The following SGPP2 variants were observed in gnomAD, a reference collection of about 807,000 sequenced individuals.
The protein encoded by SGPP2 is sphingosine 1-phosphate phosphohydrolase 2.
A neutral mutation model predicts 33.9 loss-of-function variants in SGPP2; 30 were observed. The observed-to-expected ratio is 0.89, with a 90% CI of 0.66 to 1.20. SGPP2 has a LOEUF of 1.20. Among genes scored for constraint, SGPP2 ranks in the 50% most tolerant of loss-of-function variants. The probability of loss-of-function intolerance (pLI) is 0.00; values close to 1 mark genes in which losing one functional copy is unlikely to be tolerated. For synonymous variants in SGPP2, 233 were observed against 225.0 expected (o/e 1.04, Z -0.32); for missense variants, 458 against 532.1 (o/e 0.86, Z 1.37).
intron 2 of SGPP2, among the ~76,000 whole-genome samples, chr2:222,510,125 T>A (rs1249305867): frequency 6.6e-6 from 1 of 152,198 alleles, no homozygotes; most frequent in Admixed American, 6.5e-5. Flanking sequence ...TCGATGGACA[T>A]TTGGGTTGTT....
chr2:222,546,079 A>G (rs542848347), intron 4 of SGPP2, among the ~76,000 whole-genome samples: 1 of 152,338 alleles, frequency 6.6e-6, no homozygotes, highest in South Asian at 2.1e-4. Context: ...GCCTGTGGGA[A>G]TGGTCCTTAA....
chr2:222,459,311 T>G (rs955446117), intron 1 of SGPP2, among the ~76,000 whole-genome samples: 4 of 151,930 alleles, frequency 2.6e-5, no homozygotes, highest in Non-Finnish European at 5.9e-5. Context: ...CACACCTGGC[T>G]AATTTTTATA....
chr2:222,533,979 G>A (rs1698877532), intron 4 of SGPP2, among the ~76,000 whole-genome samples: 1 of 152,094 alleles, frequency 6.6e-6, no homozygotes, highest in Non-Finnish European at 1.5e-5. Flanking sequence ...CTGATTGGCA[G>A]CAAAGGTTAG....
intron 2 of SGPP2, among the ~76,000 whole-genome samples, chr2:222,497,704 G>T (rs1698303328): frequency 6.6e-6 from 1 of 152,194 alleles, no homozygotes; most frequent in Non-Finnish European, 1.5e-5. Flanking sequence ...TACAGATTAA[G>T]CAATGTACAA....
chr2:222,530,800 G>A (rs1698826236), intron 4 of SGPP2, among the ~76,000 whole-genome samples: 3 of 152,188 alleles, frequency 2.0e-5, no homozygotes, highest in Admixed American at 2.0e-4. Flanking sequence ...TGGTACAAGA[G>A]GCTTAGCTTT....
At chr2:222,450,102 G>A (rs1697461270) in intron 1 of SGPP2, among the ~76,000 whole-genome samples, 1 of 152,186 alleles carries the variant, frequency 6.6e-6, no homozygotes, top group Non-Finnish European at 1.5e-5. Context: ...AGAGAAACTA[G>A]AATATGAAAT....
intron 2 of SGPP2, among the ~76,000 whole-genome samples, chr2:222,489,795 A>G (rs1698169810): frequency 6.6e-6 from 1 of 152,002 alleles, no homozygotes; most frequent in Non-Finnish European, 1.5e-5. Flanking sequence ...GAGAAACCCC[A>G]TCTCTACTAA....
At chr2:222,524,891 C>T in intron 3 of SGPP2, 53 bp from the exon 4 acceptor site, 1 of 1,378,488 alleles carries the variant, frequency 7.3e-7, no homozygotes, top group Non-Finnish European at 1.0e-6. Flanking sequence ...GACATCAAAT[C>T]ATGTATGTCT....
chr2:222,458,853 C>T (rs1295347650), intron 1 of SGPP2, among the ~76,000 whole-genome samples: 1 of 152,172 alleles, frequency 6.6e-6, no homozygotes, highest in African/African-American at 2.4e-5. Context: ...TTGCCTCTTC[C>T]TCACTGAGGG....
At chr2:222,453,548 C>T (rs1697525403) in intron 1 of SGPP2, among the ~76,000 whole-genome samples, 1 of 152,066 alleles carries the variant, frequency 6.6e-6, no homozygotes, top group South Asian at 2.1e-4. Flanking sequence ...TCCTTTTCCT[C>T]CTTCTCCTCA....
At chr2:222,532,216 G>T (rs1237156299) in intron 4 of SGPP2, among the ~76,000 whole-genome samples, 2 of 152,128 alleles carry the variant, frequency 1.3e-5, no homozygotes, top group African/African-American at 2.4e-5. Context: ...GGAGTTTGCA[G>T]TGAGCCGAGA....
At chr2:222,513,681 A>G (rs1171524201) in intron 2 of SGPP2, among the ~76,000 whole-genome samples, 2 of 152,210 alleles carry the variant, frequency 1.3e-5, no homozygotes, top group African/African-American at 4.8e-5. Context: ...AAAAAAGCAG[A>G]GGGAGAGATG....
chr2:222,426,285 TGCCGTG>T (rs1410009706), intron 1 of SGPP2, among the ~76,000 whole-genome samples: 1 of 149,792 alleles, frequency 6.7e-6, no homozygotes, highest in Non-Finnish European at 1.5e-5. Context: ...GGCTGAAACG[TGCCGTG>T]ACATATTCGG....
intron 2 of SGPP2, among the ~76,000 whole-genome samples, chr2:222,505,392 T>C (rs1698429919): frequency 6.6e-6 from 1 of 152,232 alleles, no homozygotes; most frequent in Non-Finnish European, 1.5e-5. Context: ...GAATATACAG[T>C]TGATCTTTAA....
chr2:222,541,195 T>G (rs1213457976), intron 4 of SGPP2, among the ~76,000 whole-genome samples: 5 of 152,216 alleles, frequency 3.3e-5, no homozygotes, highest in African/African-American at 1.2e-4. Context: ...GGATGCCCAC[T>G]TTCGTGTTTC....
chr2:222,477,126 TGTGTGTATATAG>T lies in SGPP2; in HGVS notation c.378+2412_378+2423del. 6.7e-6 allele frequency among the ~76,000 whole-genome samples: 1 copy of T among 149,710 alleles called. No homozygotes were observed. Among genetic ancestry groups the T allele is most frequent in the South Asian group, 2.1e-4 (1 of 4,792 alleles). ...ATATAGGTGTGTATATATGTGTATGTGTGTGTATATAGGTGTGTATATATCTGTGTGTGTGTA... is the reference window on the plus strand; with the variant it reads ...ATATAGGTGTGTATATATGTGTATGTGTGTGTATATATCTGTGTGTGTGTA... On this transcript the variant is annotated intron_variant, in intron 2 of 4. Coordinates refer to ENST00000321276, the MANE Select transcript of SGPP2 (RefSeq NM_152386.4). This position sits in a 1 kb window ranked among gnomAD's most constrained non-coding sequence, Gnocchi z 6.0.
chr2:222,495,186 G>A (rs1698260730), intron 2 of SGPP2, among the ~76,000 whole-genome samples: 1 of 152,100 alleles, frequency 6.6e-6, no homozygotes, highest in Admixed American at 6.5e-5. Flanking sequence ...GGCTGAGGTG[G>A]GAGGATTGCT....
chr2:222,545,189 C>T (rs949436978), intron 4 of SGPP2, among the ~76,000 whole-genome samples: 3 of 151,914 alleles, frequency 2.0e-5, no homozygotes, highest in Non-Finnish European at 4.4e-5. Context: ...TTTCTTTCTT[C>T]GCTCCGTGTC....
At position 222,460,522 on chromosome 2, in the gene SGPP2, T is replaced by C. The variant is rs1027864111; in HGVS notation, c.220-14046T>C. On this transcript the variant is annotated intron_variant, in intron 1 of 4. Coordinates refer to ENST00000321276, the MANE Select transcript of SGPP2 (RefSeq NM_152386.4). The surrounding 1 kb of genome is among the most constrained non-coding windows in gnomAD (Gnocchi z 4.3). ...AAATTACTTAGAAAAGACAAGAATG[T>C]GAATCCACTGGTGACCGTTTACAGC... 2.6e-5 allele frequency among the ~76,000 whole-genome samples: 4 copies of C among 152,210 alleles called. No individual in the cohort carries two copies. The highest frequency in any genetic ancestry group is 9.6e-5 in the African/African-American group (4 of 41,462).
Sources: gnomAD v4.1 joint callset for allele counts (sites outside exome capture counted in the v4.1 genomes callset) on GRCh38, gnomAD v4.1.1 for gene constraint, Gnocchi (gnomAD v3.1) non-coding constraint, MANE v1.5 for transcripts, NCBI Gene and HGNC (gene_info 2026-07-23, HGNC 2026-07-21) for gene names.